Variants in TTC34 observed in about 807,000 individuals in gnomAD.
TTC34 encodes the protein tetratricopeptide repeat protein 34.
TTC34 carries 44 observed loss-of-function variants against 40.7 expected under a neutral mutation model. The ratio of observed to expected loss-of-function variants is 1.08; its 90% CI spans 0.85 to 1.39. The LOEUF is 1.39. Ranked by LOEUF, TTC34 falls within the 40% of genes most tolerant of loss-of-function variation. The probability of loss-of-function intolerance (pLI) is 0.00; values close to 1 mark genes in which losing one functional copy is unlikely to be tolerated. For missense variants in TTC34, 884 were observed against 838.0 expected (o/e 1.05, Z -0.68); for synonymous variants, 422 against 398.6 (o/e 1.06, Z -0.70).
intron 6 of TTC34, among the ~76,000 whole-genome samples, chr1:2,751,086 T>C (rs1367666766): frequency 4.6e-3 from 127 of 27,390 alleles, no homozygotes; most frequent in East Asian, 0.027. Flanking sequence ...ACCTCCCACA[T>C]GCCCAGCTGA....
At chr1:2,687,686 C>T (rs527244210) in intron 6 of TTC34, among the ~76,000 whole-genome samples, 148 of 111,384 alleles carry the variant, frequency 1.3e-3, no homozygotes, top group Middle Eastern at 5.4e-3. Context: ...AGCACGCACA[C>T]CCCCAGTTGA....
intron 6 of TTC34, among the ~76,000 whole-genome samples, chr1:2,751,434 A>T (rs1394226750): frequency 5.1e-5 from 5 of 98,002 alleles, no homozygotes; most frequent in African/African-American, 1.5e-4. Flanking sequence ...ACAGCCTGGA[A>T]CAGAGCCCAG....
rs1557584275 is a variant in TTC34 at position 2,652,069 on chromosome 1, G to GAACAGCACCCACACCCCC, written c.2227-6507_2227-6506insGGGGGTGTGGGTGCTGTT. 4.6e-5 allele frequency among the ~76,000 whole-genome samples: 4 copies of GAACAGCACCCACACCCCC among 86,892 alleles called. 1 individual carries two copies. Among genetic ancestry groups the GAACAGCACCCACACCCCC allele is most frequent in the African/African-American group, 1.3e-4 (3 of 23,786 alleles). The allele number at this position is 86,892 out of a possible 152,430, so 57.0% of individuals were successfully genotyped here. A position where few individuals can be genotyped will look rare whatever the true frequency, so the allele number is the denominator to read the frequency against. On this transcript the variant is annotated intron_variant, in intron 6 of 8. Coordinates refer to ENST00000401095, the Ensembl canonical transcript of TTC34. ...CCACAGGTGAGCATCTGACAGCCTG[G>GAACAGCACCCACACCCCC]AGGAGCACCCACACCCCCAGGTGAG...
chr1:2,643,135 C>T (rs76895842), intron 8 of TTC34, among the ~76,000 whole-genome samples: 2,430 of 152,270 alleles, frequency 0.016, 49 homozygotes, highest in African/African-American at 0.055. Flanking sequence ...CCCAGGCCGC[C>T]CCAGTGGGGA....
At position 2,751,685 on chromosome 1, in the gene TTC34, C is replaced by A. The variant is rs1338266883; in HGVS notation, c.2226+31924G>T. Among the ~76,000 whole-genome samples, 8 of 138,638 alleles carry A rather than the reference C, an allele frequency of 5.8e-5. 1 individual carries two copies. The highest frequency in any genetic ancestry group is 2.4e-4 in the South Asian group (1 of 4,170). The allele number at this position is 138,638 out of a possible 152,430, so 91.0% of individuals were successfully genotyped here. On this transcript the variant is annotated intron_variant, in intron 6 of 8. Transcript: ENST00000401095. ...ATTGGACAGCCTGGATCAGCACCCA[C>A]AACCCCAAGCGAGCATCCGACAGCC...
intron 6 of TTC34, chr1:2,775,330 A>T (rs1409735330): frequency 1.3e-5 from 2 of 150,064 alleles, no homozygotes; most frequent in African/African-American, 5.0e-5. Context: ...GGATCTGACT[A>T]CCTGGAACAG....
At chr1:2,687,752 G>C (rs1173822194) in intron 6 of TTC34, among the ~76,000 whole-genome samples, 1 of 149,152 alleles carries the variant, frequency 6.7e-6, no homozygotes, top group Non-Finnish European at 1.5e-5. Flanking sequence ...CGACAGCCTG[G>C]AGCAGAACCC....
intron 8 of TTC34, 111 bp from the exon 9 acceptor site, chr1:2,642,006 G>A (rs1414503098): frequency 4.1e-6 from 5 of 1,224,184 alleles, no homozygotes; most frequent in Admixed American, 3.0e-5. Flanking sequence ...GGCTCCCTGG[G>A]GATGGCGGGG....
At chr1:2,657,456 C>G (rs1338425136) in intron 6 of TTC34, among the ~76,000 whole-genome samples, 1 of 89,840 alleles carries the variant, frequency 1.1e-5, no homozygotes, top group Non-Finnish European at 2.8e-5. Flanking sequence ...GAGCAGCACC[C>G]ACGCCCCCAG....
At position 2,638,153 on chromosome 1, in the gene TTC34, T is replaced by G. The variant is rs534839267; in HGVS notation, c.*3215A>C. 5 of 152,230 alleles carry G rather than the reference T, an allele frequency of 3.3e-5. No homozygotes were observed. In the East Asian group the frequency reaches 9.7e-4, roughly 29 times the overall value. 9.4% of individuals were successfully genotyped at this position (152,230 alleles called of 1,614,324 possible). A position where few individuals can be genotyped will look rare whatever the true frequency, so the allele number is the denominator to read the frequency against. ...TAACCACCATAGCCACCCTGTTGCCTCTAGAACCTCAGTGTACTCCCAGGG... is the reference window on the plus strand; with the variant it reads ...TAACCACCATAGCCACCCTGTTGCCGCTAGAACCTCAGTGTACTCCCAGGG... On this transcript the variant is annotated 3_prime_UTR_variant, in exon 9 of 9. Transcript: ENST00000401095.
chr1:2,773,361 TGGA>T (rs1642634438), intron 6 of TTC34, among the ~76,000 whole-genome samples: 1 of 92,752 alleles, frequency 1.1e-5, no homozygotes, highest in Non-Finnish European at 2.3e-5. Context: ...TCTGGCAGCC[TGGA>T]GCAGCACCCA....
chr1:2,687,976 A>G (rs1640442554), intron 6 of TTC34, among the ~76,000 whole-genome samples: 2 of 145,406 alleles, frequency 1.4e-5, no homozygotes, highest in African/African-American at 5.4e-5. Context: ...CCCCCAGGAG[A>G]GCATCTGACA....
exon 2 of TTC34, chr1:2,800,225 A>C: frequency 2.5e-6 from 1 of 398,484 alleles, no homozygotes; most frequent in Admixed American, 4.4e-5. Flanking sequence ...CACTGTGCCC[A>C]GCCTCCGGGT....
chr1:2,748,547 A>G (rs1641220029), intron 6 of TTC34, among the ~76,000 whole-genome samples: 1 of 147,484 alleles, frequency 6.8e-6, no homozygotes, highest in Non-Finnish European at 1.5e-5. Context: ...GACAGCCTGG[A>G]ACAGCAACCA....
At chr1:2,789,256 T>A (rs1643631568) in intron 3 of TTC34, among the ~76,000 whole-genome samples, 1 of 151,912 alleles carries the variant, frequency 6.6e-6, no homozygotes, top group Admixed American at 6.6e-5. Flanking sequence ...ACAGACTCGG[T>A]TTGGTGAGCT....
chr1:2,785,922 G>A (rs145184558), exon 5 of TTC34: 37 of 1,532,994 alleles, frequency 2.4e-5, no homozygotes, highest in Middle Eastern at 3.4e-4. Context: ...GGGCCCTGGC[G>A]TGGCAGTGGC....
intron 6 of TTC34, among the ~76,000 whole-genome samples, chr1:2,680,281 GAA>G (rs1640021127): frequency 3.4e-5 from 1 of 29,344 alleles, no homozygotes. Flanking sequence ...GCATCTGACC[GAA>G]CGGAGCAGCA....
chr1:2,641,081 G>A, exon 9 of TTC34: 1 of 186,048 alleles, frequency 5.4e-6, no homozygotes, highest in East Asian at 9.4e-5. Flanking sequence ...GGGCTGGGAA[G>A]GGAGGTATGG....
intron 6 of TTC34, among the ~76,000 whole-genome samples, chr1:2,765,799 C>A (rs1433915105): frequency 5.1e-5 from 1 of 19,582 alleles, no homozygotes; most frequent in Non-Finnish European, 7.9e-5. Context: ...CCCACACCCC[C>A]GGGCGAGCAT....
Sources: allele counts gnomAD v4.1 joint callset (sites outside exome capture counted in the v4.1 genomes callset), GRCh38; gene constraint gnomAD v4.1.1; transcripts MANE v1.5; gene names NCBI Gene and HGNC (gene_info 2026-07-23, HGNC 2026-07-21).